GPHN: variants seen among roughly 807,000 people sequenced by gnomAD.
GPHN encodes the protein gephyrin.
Under a neutral mutation model 95.5 loss-of-function variants are expected in GPHN, and 17 were observed. That is an observed-to-expected ratio of 0.18 (90% CI 0.12 to 0.27). GPHN has a LOEUF of 0.27. Ranked by LOEUF, GPHN falls within the 10% of genes least tolerant of loss-of-function variation. The pLI is 1.00. For missense variants in GPHN, 660 were observed against 978.1 expected (o/e 0.67, Z 4.34); for synonymous variants, 320 against 322.5 (o/e 0.99, Z 0.08).
the GPHN span, among the ~76,000 whole-genome samples, chr14:67,415,820 C>T: frequency 0.016 from 2,506 of 152,256 alleles, 75 homozygotes; most frequent in African/African-American, 0.056. Flanking sequence ...AGATCATGTC[C>T]GTTGCAGGGA....
chr14:67,695,539 A>C, the GPHN span: 1 of 1,287,626 alleles, frequency 7.8e-7, no homozygotes, highest in Non-Finnish European at 1.1e-6. Flanking sequence ...CCCCCAGGGG[A>C]GTTTTCCAAG....
At chr14:67,315,992 T>C in the GPHN span, among the ~76,000 whole-genome samples, 1 of 152,268 alleles carries the variant, frequency 6.6e-6, no homozygotes, top group South Asian at 2.1e-4. Context: ...TTTTTGTTAG[T>C]ACACTTACGA....
the GPHN span, among the ~76,000 whole-genome samples, chr14:67,707,793 C>T: frequency 1.5e-4 from 23 of 152,194 alleles, 1 homozygote; most frequent in Admixed American, 1.3e-3. Flanking sequence ...AACCTCTCCT[C>T]TTGAGGTTCC....
At chr14:66,744,960 T>G (rs2058082001) in intron 2 of GPHN, among the ~76,000 whole-genome samples, 1 of 152,138 alleles carries the variant, frequency 6.6e-6, no homozygotes, top group Non-Finnish European at 1.5e-5. Context: ...TAGAAGTTTC[T>G]AAAGTCTTAA....
chr14:67,720,615 C>T, the GPHN span, among the ~76,000 whole-genome samples: 4 of 152,340 alleles, frequency 2.6e-5, no homozygotes, highest in East Asian at 7.7e-4. Flanking sequence ...TTCATCATAT[C>T]TAAATGCCCA....
chr14:66,542,345 AT>A, intron 1 of GPHN, among the ~76,000 whole-genome samples: 1 of 152,232 alleles, frequency 6.6e-6, no homozygotes, highest in South Asian at 2.1e-4. Flanking sequence ...GTTTTCTCTC[AT>A]CAGACCTTCC....
chr14:67,067,780 C>T (rs2076121669), intron 11 of GPHN, among the ~76,000 whole-genome samples: 1 of 152,244 alleles, frequency 6.6e-6, no homozygotes, highest in South Asian at 2.1e-4. Context: ...AGAGAATCTC[C>T]TGGTCTGCCA....
chr14:66,994,596 A>G (rs553236626), intron 9 of GPHN, among the ~76,000 whole-genome samples: 32 of 152,208 alleles, frequency 2.1e-4, no homozygotes, highest in Middle Eastern at 3.2e-3. Context: ...CTAGCAATAG[A>G]AAATAGAGAA....
intron 1 of GPHN, among the ~76,000 whole-genome samples, chr14:66,609,438 T>G (rs1277926817): frequency 2.0e-5 from 3 of 152,124 alleles, no homozygotes; most frequent in Admixed American, 6.6e-5. Context: ...GGTCATCTTG[T>G]ATAAAACTCA....
intron 1 of GPHN, among the ~76,000 whole-genome samples, chr14:66,587,803 G>C (rs1478237160): frequency 6.6e-6 from 1 of 152,168 alleles, no homozygotes; most frequent in Admixed American, 6.5e-5. Context: ...GGCGGCTCTG[G>C]GTGCAGCTTC....
At chr14:67,309,715 T>C in the GPHN span, among the ~76,000 whole-genome samples, 1 of 152,188 alleles carries the variant, frequency 6.6e-6, no homozygotes, top group Non-Finnish European at 1.5e-5. Flanking sequence ...TCCCTAAGAT[T>C]GCTGTACCTA....
At chr14:67,178,966 A>G (rs2083171905) in intron 21 of GPHN, among the ~76,000 whole-genome samples, 2 of 152,214 alleles carry the variant, frequency 1.3e-5, no homozygotes, top group South Asian at 2.1e-4. Flanking sequence ...ATATGCAGCA[A>G]AGCTATCCTT....
At chr14:66,824,626 C>T (rs1029629074) in intron 4 of GPHN, 60 bp downstream of exon 4, 10 of 770,316 alleles carry the variant, frequency 1.3e-5, no homozygotes, top group Non-Finnish European at 2.1e-5. Context: ...TTTTTTAATC[C>T]TTTTTACTAT....
At chr14:67,416,976 C>T in the GPHN span, among the ~76,000 whole-genome samples, 1 of 152,222 alleles carries the variant, frequency 6.6e-6, no homozygotes, top group African/African-American at 2.4e-5. Context: ...TTCTACGTCA[C>T]CCAAACTGGT....
At chr14:67,406,119 C>T in the GPHN span, among the ~76,000 whole-genome samples, 23 of 151,792 alleles carry the variant, frequency 1.5e-4, no homozygotes, top group East Asian at 1.9e-4. Flanking sequence ...ATTAGCTGGG[C>T]GTGGTGGTGG....
At chr14:67,527,097 C>T in the GPHN span, among the ~76,000 whole-genome samples, 3,840 of 152,268 alleles carry the variant, frequency 0.025, 141 homozygotes, top group African/African-American at 0.078. Flanking sequence ...GTGGCTCACT[C>T]ATTGCAACCT....
the GPHN span, chr14:67,586,231 T>A: frequency 8.5e-7 from 1 of 1,178,852 alleles, no homozygotes; most frequent in Non-Finnish European, 1.2e-6. Flanking sequence ...TGTCTGTAAT[T>A]AGTATTCCAA....
chr14:67,193,846 G>A, the GPHN span, among the ~76,000 whole-genome samples: 8 of 148,708 alleles, frequency 5.4e-5, no homozygotes, highest in African/African-American at 2.0e-4. Context: ...TCAGGAGGCT[G>A]AGGTGAGAGG....
intron 1 of GPHN, among the ~76,000 whole-genome samples, chr14:66,661,058 T>C (rs2065613823): frequency 6.6e-6 from 1 of 152,196 alleles, no homozygotes. Flanking sequence ...ACTCTGGCTC[T>C]AGTATCCCTA....
Sources: allele counts gnomAD v4.1 joint callset (sites outside exome capture counted in the v4.1 genomes callset), GRCh38; gene constraint gnomAD v4.1.1; transcripts MANE v1.5; gene names NCBI Gene and HGNC (gene_info 2026-07-23, HGNC 2026-07-21).